The following CNTN3 variants were observed in gnomAD, a reference collection of about 807,000 sequenced individuals.
The protein encoded by CNTN3 is contactin-3.
CNTN3 carries 60 observed loss-of-function variants against 119.1 expected under a neutral mutation model. The observed-to-expected ratio is 0.50, with a 90% CI of 0.41 to 0.62. The LOEUF is 0.62. Among genes scored for constraint, CNTN3 ranks in the 20% least tolerant of loss-of-function variants. The probability of loss-of-function intolerance (pLI) is 0.00; values close to 1 mark genes in which losing one functional copy is unlikely to be tolerated. For synonymous variants in CNTN3, 450 were observed against 438.7 expected (o/e 1.03, Z -0.32); for missense variants, 1,101 against 1,242.4 (o/e 0.89, Z 1.71).
At chr3:74,448,288 T>C (rs758151406) in intron 4 of CNTN3, among the ~76,000 whole-genome samples, 61 of 152,068 alleles carry the variant, frequency 4.0e-4, no homozygotes, top group Non-Finnish European at 6.6e-4. Flanking sequence ...ACCAACAACA[T>C]AGAGTAAAAG....
intron 1 of CNTN3, among the ~76,000 whole-genome samples, chr3:74,603,415 C>T (rs9875316): frequency 3.9e-5 from 6 of 152,032 alleles, no homozygotes; most frequent in Middle Eastern, 3.4e-3. Flanking sequence ...TAGATCCTAG[C>T]AGAATAAGCC....
chr3:74,524,441 C>T (rs9857223), intron 1 of CNTN3, among the ~76,000 whole-genome samples: 6,384 of 151,674 alleles, frequency 0.042, 473 homozygotes, highest in African/African-American at 0.14. Context: ...AGAGGGTAGA[C>T]GTTTCTATGA....
At chr3:74,570,150 G>A (rs1704286312) in intron 1 of CNTN3, among the ~76,000 whole-genome samples, 1 of 152,180 alleles carries the variant, frequency 6.6e-6, no homozygotes, top group South Asian at 2.1e-4. Context: ...ATCATAGGAT[G>A]TGATATCATG....
At chr3:74,414,140 G>C (rs1559589824) in intron 5 of CNTN3, among the ~76,000 whole-genome samples, 1 of 152,164 alleles carries the variant, frequency 6.6e-6, no homozygotes, top group Non-Finnish European at 1.5e-5. Flanking sequence ...GGAAATTTCA[G>C]TTACACAACT....
At chr3:74,444,956 A>C (rs566477351) in intron 4 of CNTN3, among the ~76,000 whole-genome samples, 19 of 152,196 alleles carry the variant, frequency 1.2e-4, no homozygotes, top group Non-Finnish European at 2.5e-4. Flanking sequence ...ACACATCCTA[A>C]TATGAAAAGA....
chr3:74,528,647 ACTTACAAC>A (rs1326153936), intron 1 of CNTN3, among the ~76,000 whole-genome samples: 2 of 151,958 alleles, frequency 1.3e-5, no homozygotes, highest in Non-Finnish European at 2.9e-5. Context: ...GAAACTGTGT[ACTTACAAC>A]CTATTTTCCC....
intron 1 of CNTN3, among the ~76,000 whole-genome samples, chr3:74,552,627 C>T (rs1704008530): frequency 6.6e-6 from 1 of 152,140 alleles, no homozygotes; most frequent in Non-Finnish European, 1.5e-5. Context: ...TATGATTTGG[C>T]TCTGTGTCCC....
At chr3:74,490,820 A>G (rs1379766521) in intron 3 of CNTN3, among the ~76,000 whole-genome samples, 1 of 152,242 alleles carries the variant, frequency 6.6e-6, no homozygotes, top group Non-Finnish European at 1.5e-5. Context: ...CCAAAGTATT[A>G]GTGTATTCAC....
chr3:74,411,830 C>T (rs1272409794), intron 5 of CNTN3, among the ~76,000 whole-genome samples: 1 of 152,046 alleles, frequency 6.6e-6, no homozygotes, highest in Non-Finnish European at 1.5e-5. Context: ...GGAAGGTGAT[C>T]AGTAAATGGT....
chr3:74,529,269 A>G (rs564237950), intron 1 of CNTN3, among the ~76,000 whole-genome samples: 1 of 152,018 alleles, frequency 6.6e-6, no homozygotes, highest in Non-Finnish European at 1.5e-5. Flanking sequence ...AACAATAGAA[A>G]AGTAATGTAT....
At chr3:74,529,767 T>C (rs190559251) in intron 1 of CNTN3, among the ~76,000 whole-genome samples, 6 of 152,102 alleles carry the variant, frequency 3.9e-5, no homozygotes, top group African/African-American at 4.8e-5. Flanking sequence ...GTAAATGAAA[T>C]GAAAAGTCCT....
At chr3:74,478,311 G>A (rs918739468) in intron 4 of CNTN3, among the ~76,000 whole-genome samples, 6 of 152,016 alleles carry the variant, frequency 3.9e-5, no homozygotes, top group East Asian at 1.9e-4. Context: ...TTGAAGCTGT[G>A]GTTAGGAATC....
chr3:74,378,375 G>A (rs1045929856), intron 5 of CNTN3, among the ~76,000 whole-genome samples: 1 of 152,194 alleles, frequency 6.6e-6, no homozygotes, highest in African/African-American at 2.4e-5. Context: ...TGTATTGTAA[G>A]TTGTTGCTTT....
rs115364332 is a variant in CNTN3 at position 74,428,224 on chromosome 3, C to T, written c.359-3284G>A. Among the ~76,000 whole-genome samples the T allele has an allele frequency of 9.3e-3, 1,410 of 151,514 alleles. 22 individuals carry two copies. The highest frequency in any genetic ancestry group is 0.032 in the African/African-American group (1,340 of 41,268). ...GTTACGGGTTTATGTATTTACTATG[C>T]TATAATTTTATTGTTATTTTAGAAT... On this transcript the variant is annotated intron_variant, in intron 4 of 22. Coordinates refer to ENST00000263665, the MANE Select transcript of CNTN3 (RefSeq NM_020872.3).
Position 74,263,520 on chromosome 3 carries a change from T to C in CNTN3, c.*881A>G, listed in dbSNP as rs911811197. The C allele has an allele frequency of 9.9e-5, 15 of 151,918 alleles. No individual in the cohort carries two copies. Among genetic ancestry groups the C allele is most frequent in the Non-Finnish European group, 1.5e-4 (10 of 67,968 alleles). 9.4% of individuals were successfully genotyped at this position (151,918 alleles called of 1,614,324 possible). ...GAAGGAAACAATTCCTTTTTTAATT[T>C]AAAAAAACTTTTTTTTTTTGAGAAA... On this transcript the variant is annotated 3_prime_UTR_variant, in exon 23 of 23. Transcript: ENST00000263665.
At chr3:74,428,045 G>A (rs1203463046) in intron 4 of CNTN3, among the ~76,000 whole-genome samples, 1 of 152,072 alleles carries the variant, frequency 6.6e-6, no homozygotes, top group Non-Finnish European at 1.5e-5. Flanking sequence ...ATTTACAACA[G>A]TGATATCATA....
At position 74,267,296 on chromosome 3, in the gene CNTN3, C is replaced by T; in HGVS notation, c.2787G>A (p.Met929Ile). The T allele has an allele frequency of 6.2e-7, 1 of 1,612,824 alleles. No homozygotes were observed. The highest frequency in any genetic ancestry group is 2.2e-5 in the East Asian group (1 of 44,854). ...ATCCTGTTACTTCTGACTCATTCTC[C>T]ATGGCTTTAACTTGCTCCCAATTAA... is the stretch of plus-strand genomic sequence containing the variant. Reference protein sequence around the residue: ...VLLNWEQVKAMENESEVTGYK... With the variant: ...VLLNWEQVKAIENESEVTGYK... The change falls in exon 21 of 23, where the codon ATG becomes ATA. Residue 929 changes from methionine (M) to isoleucine (I), a missense_variant. Physicochemically the swap from Met to Ile is conservative, Grantham distance 10. Coordinates refer to ENST00000263665, the MANE Select transcript of CNTN3 (RefSeq NM_020872.3).
chr3:74,333,556 T>C lies in CNTN3; in HGVS notation c.1668+1179A>G, dbSNP rs182863322. 4.5e-4 allele frequency among the ~76,000 whole-genome samples: 68 copies of C among 152,328 alleles called. 1 individual carries two copies. The highest frequency in any genetic ancestry group is 1.5e-3 in the Admixed American group (23 of 15,296). The stretch of plus-strand genomic sequence containing the variant: ...TCCTCTTTGTGTGTCTATGTCCAAA[T>C]GGCCTTCTTTTTATAAGGACAACAG... On this transcript the variant is annotated intron_variant, in intron 13 of 22. Transcript: ENST00000263665.
At chr3:74,490,762 C>A (rs1702947882) in intron 3 of CNTN3, among the ~76,000 whole-genome samples, 1 of 152,096 alleles carries the variant, frequency 6.6e-6, no homozygotes, top group Non-Finnish European at 1.5e-5. Context: ...TATGAAAAGG[C>A]AAAGACTATT....
Sources: gnomAD v4.1 joint callset for allele counts (sites outside exome capture counted in the v4.1 genomes callset) on GRCh38, gnomAD v4.1.1 for gene constraint, MANE v1.5 for transcripts, NCBI Gene and HGNC (gene_info 2026-07-23, HGNC 2026-07-21) for gene names.